Variants in CCDC171 observed in about 807,000 individuals in gnomAD.
The protein encoded by CCDC171 is coiled-coil domain-containing protein 171.
Under a neutral mutation model 168.2 loss-of-function variants are expected in CCDC171, and 177 were observed. That is an observed-to-expected ratio of 1.05 (90% CI 0.93 to 1.19). The LOEUF (loss-of-function observed/expected upper bound fraction) is 1.19. Among genes scored for constraint, CCDC171 ranks in the 50% most tolerant of loss-of-function variants. The pLI, the probability that CCDC171 is intolerant of heterozygous loss-of-function variation, is 0.00. For synonymous variants in CCDC171, 687 were observed against 540.8 expected (o/e 1.27, Z -3.75); for missense variants, 1,991 against 1,539.0 (o/e 1.29, Z -4.91).
chr9:15,655,352 C>T (rs1239023636), intron 7 of CCDC171, among the ~76,000 whole-genome samples: 1 of 152,154 alleles, frequency 6.6e-6, no homozygotes, highest in Non-Finnish European at 1.5e-5. Flanking sequence ...TTCTTTGCTA[C>T]TGTTATGTTG....
chr9:15,564,621 ATC>A lies in CCDC171; in HGVS notation c.41+494_41+495del, dbSNP rs1407352411. 7.2e-5 allele frequency among the ~76,000 whole-genome samples: 11 copies of A among 152,330 alleles called. No homozygotes were observed. The East Asian group carries it at 2.1e-3, about 29-fold the overall frequency. On this transcript the variant is annotated intron_variant, in intron 2 of 25. Transcript: ENST00000380701. ...ACGTAACGCCTAATTGCTGTTGCTC[ATC>A]TTTTTTGTACCATTGATTTCTGCCT...
Position 15,805,759 on chromosome 9 carries a change from A to T in CCDC171, c.3267+21065A>T, listed in dbSNP as rs567366170. Among the ~76,000 whole-genome samples, 5 of 152,284 alleles carry T rather than the reference A, an allele frequency of 3.3e-5. No homozygotes were observed. In the East Asian group the frequency reaches 9.7e-4, roughly 29 times the overall value. ...GTGAAGAGTTCTGTGGGCATGTGTC[A>T]GGTCCACTTGATCCTGAGCTAAGTT... is the stretch of plus-strand genomic sequence containing the variant. On this transcript the variant is annotated intron_variant, in intron 21 of 25. Transcript: ENST00000380701.
At chr9:16,080,601 C>A in the CCDC171 span, among the ~76,000 whole-genome samples, 892 of 152,324 alleles carry the variant, frequency 5.9e-3, 11 homozygotes, top group African/African-American at 0.021. Context: ...AAATTCCAAT[C>A]TACTCATCTT....
intron 23 of CCDC171, among the ~76,000 whole-genome samples, chr9:15,854,050 A>G (rs993082763): frequency 3.4e-5 from 5 of 148,294 alleles, no homozygotes; most frequent in African/African-American, 9.9e-5. Flanking sequence ...TTCATAGGAC[A>G]TATTGGTCTG....
At chr9:15,924,583 C>T (rs1188225434) in intron 25 of CCDC171, among the ~76,000 whole-genome samples, 2 of 151,542 alleles carry the variant, frequency 1.3e-5, no homozygotes, top group Non-Finnish European at 3.0e-5. Flanking sequence ...CCTACTACAG[C>T]CTTGAGCATG....
chr9:15,675,497 G>T (rs990864526), intron 9 of CCDC171, among the ~76,000 whole-genome samples: 2 of 152,088 alleles, frequency 1.3e-5, no homozygotes, highest in South Asian at 2.1e-4. Flanking sequence ...GTATGTTTTT[G>T]CAGTGGCTGG....
rs550976113 is a variant in CCDC171 at position 15,906,372 on chromosome 9, C to T, written c.3601-13898C>T. On this transcript the variant is annotated intron_variant, in intron 24 of 25. Transcript: ENST00000380701. ...TGGGATGCAAAGCTGGTTCAACATA[C>T]GAAAATCAATAAACGTAATCCAGCA... Among the ~76,000 whole-genome samples the T allele has an allele frequency of 1.9e-3, 283 of 152,160 alleles. 2 individuals carry two copies. Among genetic ancestry groups the T allele is most frequent in the African/African-American group, 6.3e-3 (263 of 41,494 alleles).
intron 7 of CCDC171, among the ~76,000 whole-genome samples, chr9:15,656,862 T>C (rs2047976901): frequency 6.6e-6 from 1 of 152,112 alleles, no homozygotes; most frequent in South Asian, 2.1e-4. Flanking sequence ...TGTGTGTGTG[T>C]ATAAAAATTT....
intron 23 of CCDC171, among the ~76,000 whole-genome samples, chr9:15,871,343 T>A (rs988971990): frequency 1.3e-5 from 2 of 151,874 alleles, no homozygotes; most frequent in African/African-American, 4.8e-5. Flanking sequence ...ATAGGATGAA[T>A]AATAATGTAT....
chr9:16,005,540 G>C (rs1832671543), intron 3 of CCDC171, among the ~76,000 whole-genome samples: 1 of 152,076 alleles, frequency 6.6e-6, no homozygotes, highest in Non-Finnish European at 1.5e-5. Context: ...TACGTCTGTG[G>C]ATTCATGCAA....
the CCDC171 span, among the ~76,000 whole-genome samples, chr9:16,105,422 T>C: frequency 1.3e-4 from 19 of 149,898 alleles, no homozygotes; most frequent in Non-Finnish European, 1.5e-4. Flanking sequence ...CTGACAAACT[T>C]TGGAGACCAG....
At chr9:15,596,874 T>G (rs969027090) in intron 6 of CCDC171, among the ~76,000 whole-genome samples, 2 of 152,222 alleles carry the variant, frequency 1.3e-5, no homozygotes, top group Admixed American at 1.3e-4. Flanking sequence ...CCTTGTAAGT[T>G]GGATTCCTAG....
chr9:15,776,981 C>T (rs915229976), intron 18 of CCDC171, among the ~76,000 whole-genome samples: 29 of 152,088 alleles, frequency 1.9e-4, no homozygotes, highest in East Asian at 3.8e-4. Flanking sequence ...TTTATTAAGG[C>T]GTAAATAAAC....
rs751272691 is a variant in CCDC171 at position 15,594,190 on chromosome 9, A to T, written c.675+18A>T. 3 of 1,231,270 alleles carry T rather than the reference A, an allele frequency of 2.4e-6. 1 individual carries two copies. In the Admixed American group the frequency reaches 6.6e-5, roughly 27 times the overall value. The allele number at this position is 1,231,270 out of a possible 1,614,324, so 76.3% of individuals were successfully genotyped here. Reference sequence around the variant, plus strand: ...TAGTACAGGTATTTTAAAAATAATCAGTTCCTTAAATATATATTTTTAATG... The same window carrying T: ...TAGTACAGGTATTTTAAAAATAATCTGTTCCTTAAATATATATTTTTAATG... On this transcript the variant is annotated intron_variant, in intron 6 of 25. Coordinates refer to ENST00000380701, the MANE Select transcript of CCDC171 (RefSeq NM_173550.4).
chr9:16,103,492 G>A, the CCDC171 span, among the ~76,000 whole-genome samples: 1 of 152,238 alleles, frequency 6.6e-6, no homozygotes, highest in Admixed American at 6.5e-5. Flanking sequence ...AAAAGCAAGT[G>A]ATGGGCAATG....
intron 7 of CCDC171, among the ~76,000 whole-genome samples, chr9:15,632,576 C>T (rs546532685): frequency 5.3e-5 from 8 of 152,202 alleles, no homozygotes; most frequent in East Asian, 3.9e-4. Flanking sequence ...GAATCAATAT[C>T]GTGAAAATGG....
intron 18 of CCDC171, among the ~76,000 whole-genome samples, chr9:15,773,557 A>C (rs368465326): frequency 3.9e-5 from 6 of 152,362 alleles, no homozygotes; most frequent in African/African-American, 1.4e-4. Flanking sequence ...GTGATTAACA[A>C]ATGTATTTAA....
the CCDC171 span, among the ~76,000 whole-genome samples, chr9:16,086,061 G>A: frequency 0.16 from 24,484 of 152,004 alleles, 2,486 homozygotes; most frequent in Non-Finnish European, 0.22. Context: ...GTGGCTCACC[G>A]GCTGTGAGTC....
intron 21 of CCDC171, among the ~76,000 whole-genome samples, chr9:15,797,387 T>C (rs1312313870): frequency 6.6e-6 from 1 of 152,112 alleles, no homozygotes; most frequent in African/African-American, 2.4e-5. Context: ...AGCTAGTTTT[T>C]GTATTTTTTG....
Sources: allele counts gnomAD v4.1 joint callset (sites outside exome capture counted in the v4.1 genomes callset), GRCh38; gene constraint gnomAD v4.1.1; transcripts MANE v1.5; gene names NCBI Gene and HGNC (gene_info 2026-07-23, HGNC 2026-07-21).